Variants in MTOR observed in about 807,000 individuals in gnomAD.
MTOR encodes the protein mechanistic target of rapamycin kinase, also known as serine/threonine-protein kinase mTOR.
Under a neutral mutation model 319.8 loss-of-function variants are expected in MTOR, and 70 were observed. The observed-to-expected ratio is 0.22, with a 90% CI of 0.18 to 0.27. MTOR has a LOEUF of 0.27. Ranked by LOEUF, MTOR falls within the 10% of genes least tolerant of loss-of-function variation. The pLI, the probability that MTOR is intolerant of heterozygous loss-of-function variation, is 1.00. For synonymous variants in MTOR, 1,183 were observed against 1,211.4 expected, an observed-to-expected ratio of 0.98 and a Z score of 0.49; for missense variants, 1,890 against 3,274.4, an observed-to-expected ratio of 0.58 and a Z score of 10.32.
chr1:11,136,458 G>T (rs975343369), intron 36 of MTOR, among the ~76,000 whole-genome samples: 12 of 152,214 alleles, frequency 7.9e-5, no homozygotes, highest in Non-Finnish European at 7.4e-5. Context: ...CCCACACTTG[G>T]GAAGTGATAA....
intron 28 of MTOR, chr1:11,195,636 C>CT (rs1359756575): frequency 6.5e-6 from 1 of 153,820 alleles, no homozygotes; most frequent in Non-Finnish European, 1.5e-5. Flanking sequence ...CGATCAGACT[C>CT]TGAGCACTGC....
chr1:11,250,275 A>AC (rs569353876), intron 6 of MTOR, among the ~76,000 whole-genome samples: 4 of 129,858 alleles, frequency 3.1e-5, no homozygotes, highest in East Asian at 2.2e-4. Context: ...CAGGGGGCTG[A>AC]CCCCCCCACC....
rs2100409883 is a variant in MTOR, at chr1:11,127,833, G to A, written c.6034-27C>T. On this transcript the variant is annotated intron_variant, in intron 43 of 57. Coordinates refer to ENST00000361445, the MANE Select transcript of MTOR (RefSeq NM_004958.4). This position sits in a 1 kb window ranked among gnomAD's most constrained non-coding sequence, Gnocchi z 5.5. Reference sequence around the variant, plus strand: ...TGAAGCCAAGAGAAGAAGGAGAGAAGCATCAAGAATCAGCTAACCTCAGAA... The same window carrying A: ...TGAAGCCAAGAGAAGAAGGAGAGAAACATCAAGAATCAGCTAACCTCAGAA... 1 of 1,604,090 alleles carries A rather than the reference G, an allele frequency of 6.2e-7. No homozygotes were observed. The highest frequency in any genetic ancestry group is 8.5e-7 in the Non-Finnish European group (1 of 1,175,094).
intron 6 of MTOR, among the ~76,000 whole-genome samples, chr1:11,250,074 G>A (rs1235407937): frequency 7.0e-6 from 1 of 143,160 alleles, no homozygotes; most frequent in Non-Finnish European, 1.5e-5. Flanking sequence ...CCTCCCGGAC[G>A]GGGCGGCTGG....
At chr1:11,195,133 C>G in intron 28 of MTOR, 1 of 1,147,834 alleles carries the variant, frequency 8.7e-7, no homozygotes, top group South Asian at 1.6e-5. Context: ...GAGAAACAGC[C>G]TATAATCTCC....
chr1:11,167,954 C>T (rs766728873), intron 28 of MTOR, among the ~76,000 whole-genome samples: 27 of 152,052 alleles, frequency 1.8e-4, no homozygotes, highest in Non-Finnish European at 2.9e-4. Context: ...CCTGTAGTCC[C>T]AGCTACTCAG....
intron 34 of MTOR, among the ~76,000 whole-genome samples, chr1:11,143,636 T>A (rs540954740): frequency 3.4e-4 from 52 of 152,334 alleles, no homozygotes; most frequent in African/African-American, 1.1e-3. Flanking sequence ...CAGGGGAATG[T>A]GCCCTGAGCT....
intron 28 of MTOR, among the ~76,000 whole-genome samples, chr1:11,181,529 TAAATAAACAAATA>T (rs1197673700): frequency 1.3e-5 from 2 of 151,852 alleles, no homozygotes; most frequent in Non-Finnish European, 2.9e-5. Flanking sequence ...CATCTCAAAA[TAAATAAACAAATA>T]AAATAAAAAT....
intron 46 of MTOR, among the ~76,000 whole-genome samples, chr1:11,126,041 C>CAAAAAAA (rs757246303): frequency 3.5e-5 from 1 of 28,332 alleles, no homozygotes; most frequent in Non-Finnish European, 7.8e-5. Context: ...AACTCTGGCT[C>CAAAAAAA]AAAAAAAAAA....
rs574773489 is a variant in MTOR, at chr1:11,204,007, C to A, written c.3944+554G>T. 1.5e-3 allele frequency among the ~76,000 whole-genome samples: 230 copies of A among 152,308 alleles called. 4 individuals are homozygous for A. Among genetic ancestry groups the A allele is most frequent in the Non-Finnish European group, 2.1e-3 (140 of 68,028 alleles). On this transcript the variant is annotated intron_variant, in intron 26 of 57. Transcript: ENST00000361445. Reference sequence around the variant, plus strand: ...CATGGAGTGATCCCATGGAGAGGAACCAAGGCCCCCAGCCAGAGCTGGGTT... The same window carrying A: ...CATGGAGTGATCCCATGGAGAGGAAACAAGGCCCCCAGCCAGAGCTGGGTT...
chr1:11,225,901 A>C (rs1025521058), intron 19 of MTOR, among the ~76,000 whole-genome samples: 1 of 152,244 alleles, frequency 6.6e-6, no homozygotes, highest in Non-Finnish European at 1.5e-5. Context: ...TCCTAAAAAA[A>C]AGTAGCCAAA....
intron 28 of MTOR, among the ~76,000 whole-genome samples, chr1:11,183,411 G>A (rs1281712500): frequency 1.3e-5 from 2 of 152,024 alleles, no homozygotes; most frequent in Non-Finnish European, 2.9e-5. Context: ...CAGACTACAG[G>A]TACACACCAC....
chr1:11,155,221 A>T (rs920949317), intron 30 of MTOR, among the ~76,000 whole-genome samples: 2 of 152,188 alleles, frequency 1.3e-5, no homozygotes, highest in Non-Finnish European at 2.9e-5. Context: ...TGCAGCTATT[A>T]AAAAAATGAG....
intron 31 of MTOR, among the ~76,000 whole-genome samples, chr1:11,148,010 C>T (rs538300290): frequency 2.0e-5 from 3 of 152,176 alleles, no homozygotes; most frequent in African/African-American, 7.2e-5. Flanking sequence ...AGGTGAAGGG[C>T]AGATGGGGGT....
chr1:11,209,821 CTTAT>C (rs773488716), intron 24 of MTOR, among the ~76,000 whole-genome samples: 108 of 152,208 alleles, frequency 7.1e-4, no homozygotes, highest in Non-Finnish European at 1.8e-4. Flanking sequence ...CATCTATTCA[CTTAT>C]TTATTTGTGC....
chr1:11,182,832 C>T lies in MTOR; in HGVS notation c.4254-15315G>A, dbSNP rs146552548. On this transcript the variant is annotated intron_variant, in intron 28 of 57. Transcript: ENST00000361445. ...CTTTCTATTGCTGAACAGTATTTCA[C>T]GGTGTGAATATACCACCATTTACCT... Among the ~76,000 whole-genome samples, 21 of 152,354 alleles carry T rather than the reference C, an allele frequency of 1.4e-4. No homozygotes were observed. The East Asian group carries it at 3.7e-3, about 27-fold the overall frequency.
At position 11,235,890 on chromosome 1, in the gene MTOR, G is replaced by A. The variant is rs570845852; in HGVS notation, c.2209-1625C>T. ...CCAGCTACTCAGGAGGCCAAGGCAG[G>A]AGAATCGCTTGAACCTGGGAGGTGG... On this transcript the variant is annotated intron_variant, in intron 13 of 57. Transcript: ENST00000361445. Among the ~76,000 whole-genome samples, 332 of 152,044 alleles carry A rather than the reference G, an allele frequency of 2.2e-3. 1 individual carries two copies. The highest frequency in any genetic ancestry group is 3.7e-3 in the Non-Finnish European group (254 of 67,986).
At chr1:11,210,304 A>G (rs1367144656) in intron 24 of MTOR, among the ~76,000 whole-genome samples, 1 of 152,110 alleles carries the variant, frequency 6.6e-6, no homozygotes, top group African/African-American at 2.4e-5. Context: ...ACCCGCCATC[A>G]TGACCAGCTA....
intron 31 of MTOR, 149 bp from the exon 32 acceptor site, chr1:11,146,940 T>C (rs1386325895): frequency 3.2e-6 from 2 of 622,428 alleles, no homozygotes; most frequent in Non-Finnish European, 2.9e-6. Flanking sequence ...ACCAAAATCC[T>C]GCAGAGCCCC....
Sources: gnomAD v4.1 joint callset for allele counts (sites outside exome capture counted in the v4.1 genomes callset) on GRCh38, gnomAD v4.1.1 for gene constraint, Gnocchi (gnomAD v3.1) non-coding constraint, MANE v1.5 for transcripts, NCBI Gene and HGNC (gene_info 2026-07-23, HGNC 2026-07-21) for gene names.